The following ANKH variants were observed in gnomAD, a reference collection of about 807,000 sequenced individuals.
ANKH encodes mineralization regulator ANKH.
Under a neutral mutation model 49.0 loss-of-function variants are expected in ANKH, and 15 were observed. That is an observed-to-expected ratio of 0.31 (90% CI 0.20 to 0.47). ANKH has a LOEUF of 0.47. ANKH is among the 20% of genes least tolerant of loss of function. The pLI is 1.00. For missense variants in ANKH, 429 were observed against 652.0 expected, an observed-to-expected ratio of 0.66 and a Z score of 3.72; for synonymous variants, 273 against 260.0, an observed-to-expected ratio of 1.05 and a Z score of -0.48.
intron 1 of ANKH, among the ~76,000 whole-genome samples, chr5:14,792,409 G>A (rs1277177244): frequency 6.6e-6 from 1 of 152,158 alleles, no homozygotes; most frequent in Non-Finnish European, 1.5e-5. Context: ...ACCCAGACTG[G>A]TGATGATGGG....
intron 1 of ANKH, among the ~76,000 whole-genome samples, chr5:14,860,073 G>C (rs952063305): frequency 6.6e-6 from 1 of 152,236 alleles, no homozygotes; most frequent in Non-Finnish European, 1.5e-5. Flanking sequence ...CAATAGGCAT[G>C]AGCCGCAGGT....
At chr5:14,748,103 A>G (rs1738597115) in intron 6 of ANKH, among the ~76,000 whole-genome samples, 1 of 152,078 alleles carries the variant, frequency 6.6e-6, no homozygotes, top group African/African-American at 2.4e-5. Flanking sequence ...TTTTTTTTAA[A>G]GGGGTGGATG....
intron 1 of ANKH, among the ~76,000 whole-genome samples, chr5:14,823,761 C>T (rs1741261621): frequency 6.6e-6 from 1 of 152,034 alleles, no homozygotes; most frequent in African/African-American, 2.4e-5. Flanking sequence ...ATCCTGTCTC[C>T]ACTAAAAATA....
At chr5:14,720,050 A>AGT in intron 8 of ANKH, among the ~76,000 whole-genome samples, 1 of 152,334 alleles carries the variant, frequency 6.6e-6, no homozygotes, top group South Asian at 2.1e-4. Flanking sequence ...TTAGGCTCTG[A>AGT]GTACACTAAG....
intron 8 of ANKH, among the ~76,000 whole-genome samples, chr5:14,739,143 G>A (rs1315633412): frequency 2.0e-5 from 3 of 152,226 alleles, no homozygotes; most frequent in Middle Eastern, 3.2e-3. Context: ...CCGGCTGGGC[G>A]CAGTGGCTCA....
chr5:14,820,485 T>TG (rs1741167573), intron 1 of ANKH, among the ~76,000 whole-genome samples: 1 of 151,902 alleles, frequency 6.6e-6, no homozygotes, highest in African/African-American at 2.4e-5. Context: ...ACAAGCAGAG[T>TG]GAGAGGACTG....
chr5:14,773,055 A>G (rs1479585737), intron 1 of ANKH, among the ~76,000 whole-genome samples: 4 of 152,144 alleles, frequency 2.6e-5, no homozygotes, highest in African/African-American at 9.7e-5. Flanking sequence ...CACATCCTCT[A>G]TGCACTTTTC....
chr5:14,809,031 G>T (rs1295327190), intron 1 of ANKH, among the ~76,000 whole-genome samples: 65 of 112,844 alleles, frequency 5.8e-4, no homozygotes, highest in Non-Finnish European at 6.5e-4. Context: ...CATGTCCTTT[G>T]TAGGGACATG....
intron 1 of ANKH, among the ~76,000 whole-genome samples, chr5:14,853,798 C>T (rs1742181920): frequency 6.6e-6 from 1 of 151,990 alleles, no homozygotes; most frequent in Non-Finnish European, 1.5e-5. Context: ...TAAAAACAAA[C>T]AAACATGCAA....
rs1472957697 is a variant in ANKH, at chr5:14,713,315, A to G, written c.1265+229T>C. On this transcript the variant is annotated intron_variant, in intron 10 of 11. Coordinates refer to ENST00000284268, the MANE Select transcript of ANKH (RefSeq NM_054027.6). This position sits in a 1 kb window ranked among gnomAD's most constrained non-coding sequence, Gnocchi z 4.4. ...CGTGCAGGGCCGGCCATGCCCTGACAGGAGCTCAGTGGCTATTATTCGTGT... is the reference window on the plus strand; with the variant it reads ...CGTGCAGGGCCGGCCATGCCCTGACGGGAGCTCAGTGGCTATTATTCGTGT... Among the ~76,000 whole-genome samples the G allele has an allele frequency of 1.3e-5, 2 of 152,168 alleles. No individual in the cohort carries two copies. The highest frequency in any genetic ancestry group is 2.9e-5 in the Non-Finnish European group (2 of 68,030).
intron 1 of ANKH, chr5:14,797,980 T>C (rs1209776064): frequency 1.6e-5 from 25 of 1,563,020 alleles, no homozygotes; most frequent in Middle Eastern, 3.4e-4. Context: ...GTCTTTGTTG[T>C]GATGATACAA....
rs1489499774 is a variant in ANKH, at chr5:14,713,774, C to G, written c.1142-107G>C. ...CCGAGAGCCAGGGGCTGCCTAGGAC[C>G]CTGGCCTTGCTGTTGAGCCGCTGGC... On this transcript the variant is annotated intron_variant, in intron 9 of 11. Coordinates refer to ENST00000284268, the MANE Select transcript of ANKH (RefSeq NM_054027.6). This position sits in a 1 kb window ranked among gnomAD's most constrained non-coding sequence, Gnocchi z 4.4. 6.5e-7 allele frequency: 1 copy of G among 1,534,508 alleles called. No individual in the cohort carries two copies. The highest frequency in any genetic ancestry group is 2.3e-5 in the East Asian group (1 of 44,388).
chr5:14,769,123 C>T lies in ANKH; in HGVS notation c.165G>A (p.Ala55=), dbSNP rs111592868. ...AVEMLASYGL[A]YSLMKFFTGP... is the part of the protein sequence containing the mutation. ...CCGTGAAGAACTTCATGAGGGAGTA[C>T]GCCAGCCCGTAGCTGGCCAGCATCT... Residue 55 remains alanine (A), a synonymous_variant, in exon 2 of 12, where the codon GCG becomes GCA. Transcript: ENST00000284268. The T allele has an allele frequency of 4.0e-5, 64 of 1,614,100 alleles. 2 individuals are homozygous for T. Among genetic ancestry groups the T allele is most frequent in the African/African-American group, 3.6e-4 (27 of 74,994 alleles).
At chr5:14,820,742 G>A (rs1046438042) in intron 1 of ANKH, among the ~76,000 whole-genome samples, 2 of 152,202 alleles carry the variant, frequency 1.3e-5, no homozygotes, top group South Asian at 4.1e-4. Flanking sequence ...GAAGGCTCAG[G>A]GGAGCTTAAC....
intron 1 of ANKH, among the ~76,000 whole-genome samples, chr5:14,845,367 T>TA (rs201739117): frequency 0.4 from 33,189 of 82,500 alleles, 4,512 homozygotes; most frequent in Middle Eastern, 0.48. Context: ...TATATATATA[T>TA]TTTTTTTTTT....
Position 14,709,048 on chromosome 5 carries a change from C to G in ANKH, c.*2149G>C, listed in dbSNP as rs1037585682. ...AGCTGGGATTACAGGTATGTGCTACCACCCCCAGCTAATTTTTATGTTTTT... is the reference window on the plus strand; with the variant it reads ...AGCTGGGATTACAGGTATGTGCTACGACCCCCAGCTAATTTTTATGTTTTT... On this transcript the variant is annotated 3_prime_UTR_variant, in exon 12 of 12. Transcript: ENST00000284268. The G allele has an allele frequency of 1.3e-5, 2 of 152,198 alleles. No homozygotes were observed. The highest frequency in any genetic ancestry group is 2.9e-5 in the Non-Finnish European group (2 of 68,094). 9.4% of individuals were successfully genotyped at this position (152,198 alleles called of 1,614,324 possible).
chr5:14,800,070 G>A (rs1740523431), intron 1 of ANKH, among the ~76,000 whole-genome samples: 1 of 152,116 alleles, frequency 6.6e-6, no homozygotes, highest in Non-Finnish European at 1.5e-5. Context: ...AACCCTCATG[G>A]ATGACTTTGA....
chr5:14,748,914 T>A (rs1458720825), intron 6 of ANKH, among the ~76,000 whole-genome samples: 1 of 152,252 alleles, frequency 6.6e-6, no homozygotes, highest in African/African-American at 2.4e-5. Context: ...ACCTTTTCTT[T>A]CTGTGCCTCA....
intron 4 of ANKH, among the ~76,000 whole-genome samples, chr5:14,755,113 G>A (rs553199475): frequency 6.7e-6 from 1 of 150,230 alleles, no homozygotes; most frequent in Non-Finnish European, 1.5e-5. Context: ...TAGAGATATA[G>A]TCTAACCTCT....
Sources: gnomAD v4.1 joint callset for allele counts (sites outside exome capture counted in the v4.1 genomes callset) on GRCh38, gnomAD v4.1.1 for gene constraint, Gnocchi (gnomAD v3.1) non-coding constraint, MANE v1.5 for transcripts, NCBI Gene and HGNC (gene_info 2026-07-23, HGNC 2026-07-21) for gene names.